Variants in TSC1 observed in about 807,000 individuals in gnomAD.
TSC1 encodes the protein TSC complex subunit 1, also known as hamartin.
In TSC1, 20 loss-of-function variants were observed where a neutral mutation model predicts 124.3. The observed-to-expected ratio is 0.16, with a 90% CI of 0.11 to 0.23. The LOEUF is 0.23. Ranked by LOEUF, TSC1 falls within the 10% of genes least tolerant of loss-of-function variation. TSC1 has a pLI of 1.00. For synonymous variants in TSC1, 493 were observed against 539.1 expected (o/e 0.91, Z 1.19); for missense variants, 1,124 against 1,448.5 (o/e 0.78, Z 3.64).
rs1845463172 is a variant in TSC1, at chr9:132,902,937, A to C, written c.2209-150T>G. The C allele has an allele frequency of 9.6e-7, 1 of 1,036,320 alleles. No homozygotes were observed. The highest frequency in any genetic ancestry group is 1.5e-6 in the Non-Finnish European group (1 of 687,036). The allele number at this position is 1,036,320 out of a possible 1,614,324, so 64.2% of individuals were successfully genotyped here. A position where few individuals can be genotyped will look rare whatever the true frequency, so the allele number is the denominator to read the frequency against. ...AACTCTTAGAGCTCACTACTGTCTT[A>C]CTTGGCCTTAGGTCAAGGTTTTCCA... On this transcript the variant is annotated intron_variant, in intron 17 of 22. Coordinates refer to ENST00000298552, the MANE Select transcript of TSC1 (RefSeq NM_000368.5). This position sits in a 1 kb window ranked among gnomAD's most constrained non-coding sequence, Gnocchi z 5.2.
Position 132,901,980 on chromosome 9 carries a change from CAGAA to C in TSC1, c.2392-285_2392-282del, listed in dbSNP as rs796261414. The C allele has an allele frequency of 8.8e-5, 34 of 385,302 alleles. 1 individual carries two copies. Among genetic ancestry groups the C allele is most frequent in the African/African-American group, 6.4e-4 (31 of 48,568 alleles). 23.9% of individuals were successfully genotyped at this position (385,302 alleles called of 1,614,324 possible). On this transcript the variant is annotated intron_variant, in intron 18 of 22. Coordinates refer to ENST00000298552, the MANE Select transcript of TSC1 (RefSeq NM_000368.5). ...ACACAGCAAACTCACAGGGATGCTG[CAGAA>C]AGATTCTGAATTTTCGAGGGAGACG...
At position 132,921,054 on chromosome 9, in the gene TSC1, C is replaced by T. The variant is rs370304250; in HGVS notation, c.737+309G>A. On this transcript the variant is annotated intron_variant, in intron 8 of 22. Transcript: ENST00000298552. The surrounding 1 kb of genome is among the most constrained non-coding windows in gnomAD (Gnocchi z 4.3). ...ATGCTAAATTGTTTTTCTGCAGTCC[C>T]CTTGTTTTTAGCCATATGCTTCACC... 7.9e-5 allele frequency among the ~76,000 whole-genome samples: 12 copies of T among 151,980 alleles called. No homozygotes were observed. In the East Asian group the frequency reaches 1.8e-3, roughly 22 times the overall value.
In TSC1 at chr9:132,897,513, C is replaced by T. The variant is rs780115763; in HGVS notation, c.2723G>A (p.Arg908Gln). 1.5e-5 allele frequency: 24 copies of T among 1,610,070 alleles called. No homozygotes were observed. The highest frequency in any genetic ancestry group is 1.9e-5 in the Non-Finnish European group (22 of 1,178,934). Residue 908 changes from arginine to glutamine, a missense_variant, in exon 21 of 23, where the codon CGG becomes CAG. Arg to Gln is a conservative substitution (Grantham distance 43). Transcript: ENST00000298552. ...QTQRLDTSQK[R>Q]ILELESHLAK... ...CAGGTGAGATTCCAGTTCCAAAATC[C>T]GTTTTTGGGAGGTATCAAGCCTCTG...
chr9:132,907,916 A>C (rs969381626), intron 12 of TSC1, among the ~76,000 whole-genome samples: 1 of 152,218 alleles, frequency 6.6e-6, no homozygotes, highest in Non-Finnish European at 1.5e-5. Flanking sequence ...GCAAAACCCC[A>C]TCTCTACAAA....
chr9:132,895,205 G>C lies in TSC1; in HGVS notation c.*1030C>G, dbSNP rs1844969796. 1 of 233,316 alleles carries C rather than the reference G, an allele frequency of 4.3e-6. No individual in the cohort carries two copies. The highest frequency in any genetic ancestry group is 2.2e-5 in the African/African-American group (1 of 45,444). 14.5% of individuals were successfully genotyped at this position (233,316 alleles called of 1,614,324 possible). On this transcript the variant is annotated 3_prime_UTR_variant, in exon 23 of 23. Transcript: ENST00000298552. ...AGGCAACCCTAATGGCCTGGGAAAT[G>C]ATGGTCACATACACTTTGCAGAAAC...
chr9:132,901,517 T>G, intron 19 of TSC1, 72 bp downstream of exon 19: 2 of 1,378,910 alleles, frequency 1.5e-6, no homozygotes, highest in South Asian at 2.3e-5. Context: ...ATCTATTTCT[T>G]TAACCTGTCT....
chr9:132,945,341 C>A (rs1388470103), upstream of TSC1: 1 of 152,228 alleles, frequency 6.6e-6, no homozygotes, highest in Non-Finnish European at 1.5e-5. Context: ...GGAAACCAGC[C>A]CTAATAGGAG....
In TSC1 at chr9:132,923,681, C is replaced by G. The variant is rs940453949; in HGVS notation, c.364-189G>C. On this transcript the variant is annotated intron_variant, in intron 5 of 22. Coordinates refer to ENST00000298552, the MANE Select transcript of TSC1 (RefSeq NM_000368.5). This position sits in a 1 kb window ranked among gnomAD's most constrained non-coding sequence, Gnocchi z 4.2. The stretch of plus-strand genomic sequence containing the variant: ...CAAACAGACTCAACAGAACACTGAG[C>G]CCCAACTCTACTGTAATGAGTCAGT... 2.6e-6 allele frequency: 2 copies of G among 768,802 alleles called. No individual in the cohort carries two copies. The highest frequency in any genetic ancestry group is 4.2e-6 in the Non-Finnish European group (2 of 471,912). 47.6% of individuals were successfully genotyped at this position (768,802 alleles called of 1,614,324 possible). A position where few individuals can be genotyped will look rare whatever the true frequency, so the allele number is the denominator to read the frequency against.
Position 132,928,764 on chromosome 9 carries a change from A to T in TSC1, c.106+3T>A. On this transcript the variant is annotated splice_donor_region_variant and intron_variant, in intron 3 of 22. Coordinates refer to ENST00000298552, the MANE Select transcript of TSC1 (RefSeq NM_000368.5). ...AAGCTAAAAAGGATATTATTTTGCT[A>T]ACCAGAATTGAGGTTCTCTTTAAAG... is the stretch of plus-strand genomic sequence containing the variant. 6.2e-7 allele frequency: 1 copy of T among 1,614,096 alleles called. No homozygotes were observed. Among genetic ancestry groups the T allele is most frequent in the Non-Finnish European group, 8.5e-7 (1 of 1,180,010 alleles).
At chr9:132,913,783 G>A (rs549220783) in intron 8 of TSC1, among the ~76,000 whole-genome samples, 6 of 120,054 alleles carry the variant, frequency 5.0e-5, no homozygotes, top group African/African-American at 2.0e-4. Context: ...CCGAGATTAC[G>A]CCACTGCACT....
chr9:132,914,981 C>T (rs752000057), intron 8 of TSC1, among the ~76,000 whole-genome samples: 13 of 152,110 alleles, frequency 8.5e-5, no homozygotes, highest in Non-Finnish European at 1.9e-4. Context: ...TCAAGACCAG[C>T]CTGGGCAACA....
intron 12 of TSC1, chr9:132,909,603 A>T (rs1214262246): frequency 6.6e-6 from 1 of 152,210 alleles, no homozygotes. Context: ...TAAAACTGGC[A>T]TTCCATGAAA....
chr9:132,922,022 AG>A, intron 6 of TSC1, 49 bp from the exon 7 acceptor site: 1 of 1,612,884 alleles, frequency 6.2e-7, no homozygotes. Context: ...AGACAGATTG[AG>A]GAGTGCAAAA....
At chr9:132,920,142 T>C (rs1247969103) in intron 8 of TSC1, among the ~76,000 whole-genome samples, 1 of 152,178 alleles carries the variant, frequency 6.6e-6, no homozygotes, top group African/African-American at 2.4e-5. Context: ...CCTTGTGCAC[T>C]GACTTCCCAG....
At chr9:132,927,396 G>A in intron 3 of TSC1, 92 bp from the exon 4 acceptor site, 1 of 1,200,164 alleles carries the variant, frequency 8.3e-7, no homozygotes, top group Non-Finnish European at 1.2e-6. Flanking sequence ...TCCAGAAAAT[G>A]TTTCTTTATA....
intron 2 of TSC1, among the ~76,000 whole-genome samples, chr9:132,930,968 T>C (rs1034076546): frequency 2.0e-5 from 3 of 152,198 alleles, no homozygotes; most frequent in African/African-American, 7.2e-5. Flanking sequence ...TGGTATCAGG[T>C]ACATATAAAC....
Position 132,894,232 on chromosome 9 carries a change from CT to C in TSC1, c.*2002del. The C allele has an allele frequency of 4.3e-6, 1 of 232,516 alleles. No homozygotes were observed. Among genetic ancestry groups the C allele is most frequent in the Non-Finnish European group, 8.5e-6 (1 of 117,512 alleles). 14.4% of individuals were successfully genotyped at this position (232,516 alleles called of 1,614,324 possible). On this transcript the variant is annotated 3_prime_UTR_variant, in exon 23 of 23. Coordinates refer to ENST00000298552, the MANE Select transcript of TSC1 (RefSeq NM_000368.5). ...GCTGTCCGTTTCTAAAATGTTTTTT[CT>C]TTTGCACTTGGGCCTCTTTTCCTTT...
Position 132,897,278 on chromosome 9 carries a change from C to G in TSC1, c.2881G>C (p.Glu961Gln). 1 of 1,614,226 alleles carries G rather than the reference C, an allele frequency of 6.2e-7. No homozygotes were observed. Among genetic ancestry groups the G allele is most frequent in the Non-Finnish European group, 8.5e-7 (1 of 1,180,050 alleles). The change falls in exon 22 of 23, where the codon GAG (glutamate) becomes CAG (glutamine). Residue 961 changes from glutamate to glutamine, a missense_variant. By Grantham distance (29) the Glu-to-Gln change is conservative. Transcript: ENST00000298552. ...QKRITQVFEL[E>Q]ILDLYGRLEK... ...AACCTGCCATATAAATCTAAGATCTCCAATTCAAACACCTGGGTTATCCTT... is the reference window on the plus strand; with the variant it reads ...AACCTGCCATATAAATCTAAGATCTGCAATTCAAACACCTGGGTTATCCTT...
rs541030130 is a variant in TSC1 at position 132,932,693 on chromosome 9, T to C, written c.-81+2340A>G. ...CTGCCTCTTCATTCCTCTGCTCTAG[T>C]CCCAGTCTTCCCAAACACAGGAATA... On this transcript the variant is annotated intron_variant, in intron 2 of 22. Coordinates refer to ENST00000298552, the MANE Select transcript of TSC1 (RefSeq NM_000368.5). 2.1e-4 allele frequency among the ~76,000 whole-genome samples: 32 copies of C among 152,280 alleles called. 1 individual carries two copies. The highest frequency in any genetic ancestry group is 7.7e-4 in the African/African-American group (32 of 41,558).
Sources: allele counts gnomAD v4.1 joint callset (sites outside exome capture counted in the v4.1 genomes callset), GRCh38; gene constraint gnomAD v4.1.1; non-coding constraint Gnocchi (gnomAD v3.1); transcripts MANE v1.5; gene names NCBI Gene and HGNC (gene_info 2026-07-23, HGNC 2026-07-21).